The following CIT variants were observed in gnomAD, a reference collection of about 807,000 sequenced individuals.
CIT encodes citron rho-interacting serine/threonine kinase.
CIT carries 79 observed loss-of-function variants against 272.7 expected under a neutral mutation model. That is an observed-to-expected ratio of 0.29 (90% CI 0.24 to 0.35). The LOEUF (loss-of-function observed/expected upper bound fraction) is 0.35. CIT is among the 10% of genes least tolerant of loss of function. The pLI is 1.00. For synonymous variants in CIT, 948 were observed against 995.6 expected (o/e 0.95, Z 0.90); for missense variants, 1,909 against 2,618.3 (o/e 0.73, Z 5.91).
intron 10 of CIT, among the ~76,000 whole-genome samples, chr12:119,799,766 G>A (rs1371626729): frequency 2.0e-5 from 3 of 151,544 alleles, no homozygotes; most frequent in Non-Finnish European, 2.9e-5. Context: ...GGCCCCGGGG[G>A]CTGCATGCAG....
chr12:119,748,118 T>C (rs894095213), intron 23 of CIT, among the ~76,000 whole-genome samples: 2 of 151,986 alleles, frequency 1.3e-5, no homozygotes, highest in Admixed American at 6.6e-5. Flanking sequence ...TGTGCTGACA[T>C]TGCACCACTG....
intron 32 of CIT, 61 bp from the exon 33 acceptor site, chr12:119,714,395 A>C: frequency 1.3e-6 from 2 of 1,575,148 alleles, no homozygotes; most frequent in South Asian, 2.3e-5. Context: ...CAGGAAAGTG[A>C]AAAGACAACC....
intron 5 of CIT, 124 bp from the exon 6 acceptor site, chr12:119,834,352 G>A (rs1225609828): frequency 3.6e-6 from 3 of 839,648 alleles, no homozygotes; most frequent in Non-Finnish European, 5.5e-6. Context: ...AAGAAGATGT[G>A]TAAGGCACGC....
At chr12:119,794,758 A>C (rs1266252653) in intron 10 of CIT, among the ~76,000 whole-genome samples, 2 of 152,254 alleles carry the variant, frequency 1.3e-5, no homozygotes, top group Non-Finnish European at 1.5e-5. Flanking sequence ...AGGCGGAAGC[A>C]GGGAGAAAAA....
chr12:119,825,450 A>G, intron 7 of CIT, 82 bp from the exon 8 acceptor site: 4 of 1,306,686 alleles, frequency 3.1e-6, no homozygotes, highest in South Asian at 2.7e-5. Flanking sequence ...TTCAGACACA[A>G]GCTGATTTGC....
At chr12:119,862,468 C>T (rs1950369775) in intron 3 of CIT, among the ~76,000 whole-genome samples, 1 of 151,944 alleles carries the variant, frequency 6.6e-6, no homozygotes, top group Admixed American at 6.6e-5. Flanking sequence ...CGTTTGTGCC[C>T]CTCGCCCCTA....
intron 9 of CIT, among the ~76,000 whole-genome samples, chr12:119,819,186 A>G (rs1967466709): frequency 6.6e-6 from 1 of 152,170 alleles, no homozygotes; most frequent in East Asian, 1.9e-4. Context: ...TGAAAAACCA[A>G]TCTTGTGGGA....
At position 119,825,310 on chromosome 12, in the gene CIT, ACAGT is replaced by A; in HGVS notation, c.808_811del (p.Thr270Ter). 6.2e-7 allele frequency: 1 copy of A among 1,614,154 alleles called. No individual in the cohort carries two copies. ...GGTGCCTTTTCCATCCCCGTTCATCACAGTCAGCACTTCAGGAGCCATGTAATCT... is the reference window on the plus strand; with the variant it reads ...GGTGCCTTTTCCATCCCCGTTCATCACAGCACTTCAGGAGCCATGTAATCT... On this transcript the variant is annotated frameshift_variant, in exon 8 of 48. Coordinates refer to ENST00000392521, the MANE Select transcript of CIT (RefSeq NM_001206999.2). LOFTEE classifies it high-confidence loss of function.
In CIT at chr12:119,718,588, G is replaced by A. The variant is rs953496443; in HGVS notation, c.4003+111C>T. 1.6e-5 allele frequency: 24 copies of A among 1,463,340 alleles called. No homozygotes were observed. Among genetic ancestry groups the A allele is most frequent in the South Asian group, 2.5e-5 (2 of 80,190 alleles). 90.6% of individuals were successfully genotyped at this position (1,463,340 alleles called of 1,614,324 possible). On this transcript the variant is annotated intron_variant, in intron 31 of 47. Transcript: ENST00000392521. This position sits in a 1 kb window ranked among gnomAD's most constrained non-coding sequence, Gnocchi z 4.8. ...GACATGGGATGTCTGGTCTGAAAGC[G>A]TATGGGCCATAAACGAAGACACTGA...
intron 9 of CIT, among the ~76,000 whole-genome samples, chr12:119,809,455 T>C (rs1328883863): frequency 1.3e-5 from 2 of 152,330 alleles, no homozygotes; most frequent in East Asian, 1.9e-4. Flanking sequence ...TATACATATA[T>C]ATAGGTTTTC....
intron 32 of CIT, 101 bp from the exon 33 acceptor site, chr12:119,714,435 A>T: frequency 7.9e-7 from 1 of 1,261,736 alleles, no homozygotes; most frequent in Non-Finnish European, 1.1e-6. Context: ...CTTGCAAATC[A>T]AATCTCTGAT....
chr12:119,831,614 A>T (rs1359158179), intron 7 of CIT, among the ~76,000 whole-genome samples: 2 of 152,236 alleles, frequency 1.3e-5, no homozygotes, highest in African/African-American at 4.8e-5. Flanking sequence ...TTATGCCTGT[A>T]ATCCCAGCAC....
At chr12:119,794,449 A>G (rs1302842566) in intron 10 of CIT, among the ~76,000 whole-genome samples, 1 of 152,198 alleles carries the variant, frequency 6.6e-6, no homozygotes, top group Non-Finnish European at 1.5e-5. Context: ...GATGCCCAGC[A>G]TTGGTTCTGA....
intron 40 of CIT, among the ~76,000 whole-genome samples, chr12:119,706,279 TTTA>T (rs1196547844): frequency 3.9e-5 from 6 of 152,230 alleles, no homozygotes; most frequent in Non-Finnish European, 5.9e-5. Flanking sequence ...AACACTCTTT[TTTA>T]TTATTTTCTA....
intron 30 of CIT, among the ~76,000 whole-genome samples, chr12:119,719,823 G>A (rs1374861884): frequency 6.6e-6 from 1 of 152,194 alleles, no homozygotes; most frequent in African/African-American, 2.4e-5. Flanking sequence ...TAGTATGAAG[G>A]CTTTAGTGGT....
intron 20 of CIT, among the ~76,000 whole-genome samples, chr12:119,760,371 A>C (rs911813952): frequency 6.6e-6 from 1 of 152,082 alleles, no homozygotes; most frequent in Non-Finnish European, 1.5e-5. Flanking sequence ...GGTGGCCTGT[A>C]ATCCCAGCAC....
At position 119,686,648 on chromosome 12, in the gene CIT, C is replaced by G. The variant is rs1285351590; in HGVS notation, c.*1584G>C. ...ACCTTTGAGCCTACCTAGGAGGTGCCTGGGTTGTTGAGGCGGGCCTAAGAG... is the reference window on the plus strand; with the variant it reads ...ACCTTTGAGCCTACCTAGGAGGTGCGTGGGTTGTTGAGGCGGGCCTAAGAG... On this transcript the variant is annotated 3_prime_UTR_variant, in exon 48 of 48. Coordinates refer to ENST00000392521, the MANE Select transcript of CIT (RefSeq NM_001206999.2). 3 of 152,340 alleles carry G rather than the reference C, an allele frequency of 2.0e-5. No individual in the cohort carries two copies. The highest frequency in any genetic ancestry group is 2.0e-4 in the Admixed American group (3 of 15,278). The allele number at this position is 152,340 out of a possible 1,614,324, so 9.4% of individuals were successfully genotyped here.
intron 4 of CIT, among the ~76,000 whole-genome samples, chr12:119,856,589 C>A (rs1253634946): frequency 2.0e-5 from 3 of 152,032 alleles, no homozygotes; most frequent in Non-Finnish European, 4.4e-5. Flanking sequence ...TTCTAGTACT[C>A]CAGAATGTCA....
At position 119,775,768 on chromosome 12, in the gene CIT, A is replaced by G. The variant is rs1232830099; in HGVS notation, c.1941+18T>C. The G allele has an allele frequency of 6.2e-7, 1 of 1,609,816 alleles. No homozygotes were observed. The highest frequency in any genetic ancestry group is 1.3e-5 in the African/African-American group (1 of 74,926). ...AGGTGGTGGGGGGTAAGTTCCTGAA[A>G]AATCACCTTGGGCTTACCTTCTCCA... On this transcript the variant is annotated intron_variant, in intron 16 of 47. Coordinates refer to ENST00000392521, the MANE Select transcript of CIT (RefSeq NM_001206999.2).
Sources: allele counts gnomAD v4.1 joint callset (sites outside exome capture counted in the v4.1 genomes callset), GRCh38; gene constraint gnomAD v4.1.1; non-coding constraint Gnocchi (gnomAD v3.1); transcripts MANE v1.5; gene names NCBI Gene and HGNC (gene_info 2026-07-23, HGNC 2026-07-21).